The following NAA15 variants were observed in gnomAD, a reference collection of about 807,000 sequenced individuals.
NAA15 encodes the protein N-terminal acetyltransferase.
A neutral mutation model predicts 114.0 loss-of-function variants in NAA15; 34 were observed. That is an observed-to-expected ratio of 0.30 (90% CI 0.23 to 0.40). The LOEUF (loss-of-function observed/expected upper bound fraction) is 0.40. Among genes scored for constraint, NAA15 ranks in the 10% least tolerant of loss-of-function variants. The probability of loss-of-function intolerance (pLI) is 1.00; values close to 1 mark genes in which losing one functional copy is unlikely to be tolerated. For synonymous variants in NAA15, 340 were observed against 338.0 expected (o/e 1.01, Z -0.06); for missense variants, 658 against 1,004.5 (o/e 0.66, Z 4.66).
In NAA15 at chr4:139,384,435, G is replaced by A. The variant is rs567682564; in HGVS notation, c.2156-397G>A. ...TGACGCTGCAGTGAGCCATGATTGC[G>A]CCACTGTACTCCAGCTTGGGTGGCA... On this transcript the variant is annotated intron_variant, in intron 17 of 19. Transcript: ENST00000296543. Among the ~76,000 whole-genome samples, 25 of 152,318 alleles carry A rather than the reference G, an allele frequency of 1.6e-4. No individual in the cohort carries two copies. In the South Asian group the frequency reaches 4.6e-3, roughly 28 times the overall value.
chr4:139,323,214 G>A (rs189382212), intron 1 of NAA15, among the ~76,000 whole-genome samples: 4 of 151,746 alleles, frequency 2.6e-5, no homozygotes, highest in Non-Finnish European at 5.9e-5. Flanking sequence ...CTGCCACCAT[G>A]CCCAGCTAAT....
Position 139,360,515 on chromosome 4 carries a change from G to A in NAA15, c.1426G>A (p.Val476Ile). 6.3e-7 allele frequency: 1 copy of A among 1,590,706 alleles called. No homozygotes were observed. The highest frequency in any genetic ancestry group is 8.5e-7 in the Non-Finnish European group (1 of 1,169,736). ...SKFTREGTSA[V>I]ENLNEMQCMW... is the part of the protein sequence containing the mutation. ...TTCTGTATAGGAAGGAACATCAGCG[G>A]TAGAGAATTTGAATGAAATGCAGTG... Residue 476 changes from valine to isoleucine, a missense_variant, in exon 13 of 20, where the codon GTA (valine) becomes ATA (isoleucine). Physicochemically the swap from Val to Ile is conservative, Grantham distance 29 (BLOSUM62 3). Coordinates refer to ENST00000296543, the MANE Select transcript of NAA15 (RefSeq NM_057175.5).
chr4:139,347,147 G>A (rs1218880917), intron 6 of NAA15, among the ~76,000 whole-genome samples: 1 of 152,104 alleles, frequency 6.6e-6, no homozygotes, highest in Non-Finnish European at 1.5e-5. Context: ...CCTTGGCGCT[G>A]TTGACATTTT....
chr4:139,359,423 G>A (rs1057302841), intron 11 of NAA15, among the ~76,000 whole-genome samples: 1 of 152,062 alleles, frequency 6.6e-6, no homozygotes, highest in East Asian at 1.9e-4. Flanking sequence ...TACAGCGCCC[G>A]GCCTTATTTA....
chr4:139,371,270 A>G (rs537414576), intron 15 of NAA15, among the ~76,000 whole-genome samples: 14 of 152,228 alleles, frequency 9.2e-5, no homozygotes, highest in Admixed American at 3.3e-4. Flanking sequence ...CCACCAGAGC[A>G]GGTGGACAGT....
intron 14 of NAA15, among the ~76,000 whole-genome samples, chr4:139,365,385 G>T (rs1748250286): frequency 6.6e-6 from 1 of 152,094 alleles, no homozygotes. Context: ...CATAGAAGAA[G>T]CCTAGACTTT....
At chr4:139,371,497 G>GCGCACACACACA (rs1389164527) in intron 15 of NAA15, among the ~76,000 whole-genome samples, 5 of 113,664 alleles carry the variant, frequency 4.4e-5, no homozygotes, top group African/African-American at 9.5e-5. Flanking sequence ...AAGAAAAGTA[G>GCGCACACACACA]CACACACACA....
rs1457617248 is a variant in NAA15 at position 139,389,662 on chromosome 4, G to A, written c.*1578G>A. ...CAGGCTTAATATTCTCATTGCATTT[G>A]CAAGATCTGAGCAAATAAGATTAAG... is the stretch of plus-strand genomic sequence containing the variant. On this transcript the variant is annotated 3_prime_UTR_variant, in exon 20 of 20. Transcript: ENST00000296543. 1 of 152,588 alleles carries A rather than the reference G, an allele frequency of 6.6e-6. No homozygotes were observed. Among genetic ancestry groups the A allele is most frequent in the Non-Finnish European group, 1.5e-5 (1 of 68,022 alleles). The allele number at this position is 152,588 out of a possible 1,614,324, so 9.5% of individuals were successfully genotyped here. A position where few individuals can be genotyped will look rare whatever the true frequency, so the allele number is the denominator to read the frequency against.
intron 1 of NAA15, among the ~76,000 whole-genome samples, chr4:139,328,938 C>T (rs1044645631): frequency 1.3e-5 from 2 of 150,012 alleles, no homozygotes; most frequent in East Asian, 2.0e-4. Context: ...GATCTTGACT[C>T]AACTCACTGA....
At chr4:139,369,378 TC>T (rs1748370221) in intron 14 of NAA15, among the ~76,000 whole-genome samples, 1 of 152,230 alleles carries the variant, frequency 6.6e-6, no homozygotes, top group Admixed American at 6.5e-5. Flanking sequence ...TACATGCATA[TC>T]CCATATGGTT....
At chr4:139,368,159 A>G (rs907590094) in intron 14 of NAA15, among the ~76,000 whole-genome samples, 1 of 152,222 alleles carries the variant, frequency 6.6e-6, no homozygotes, top group South Asian at 2.1e-4. Context: ...TGCAAAACAA[A>G]TTACTCAAAA....
Position 139,344,200 on chromosome 4 carries a change from G to A in NAA15, c.552G>A (p.Lys184=), listed in dbSNP as rs1747504124. 1 of 1,609,098 alleles carries A rather than the reference G, an allele frequency of 6.2e-7. No homozygotes were observed. The highest frequency in any genetic ancestry group is 1.7e-5 in the Admixed American group (1 of 59,314). The part of the protein sequence containing the change: ...FRKTQQTSPD[K]VDYEYSELLL... Reference sequence around the variant, plus strand: ...TCCATATACAGACATCCCCTGACAAGGTGGATTATGAATATAGTGAACTAC... The same window carrying A: ...TCCATATACAGACATCCCCTGACAAAGTGGATTATGAATATAGTGAACTAC... The change falls in exon 6 of 20, where the codon AAG becomes AAA. Residue 184 remains lysine, a synonymous_variant. Coordinates refer to ENST00000296543, the MANE Select transcript of NAA15 (RefSeq NM_057175.5).
rs1748851088 is a variant in NAA15, at chr4:139,384,835, T to C, written c.2159T>C (p.Val720Ala). 2 of 1,429,090 alleles carry C rather than the reference T, an allele frequency of 1.4e-6. No homozygotes were observed. Among genetic ancestry groups the C allele is most frequent in the South Asian group, 3.1e-5 (2 of 64,754 alleles). 88.5% of individuals were successfully genotyped at this position (1,429,090 alleles called of 1,614,324 possible). ...ECMIRLFNTAVCESKDLSDTV... is the reference protein window; with the variant it reads ...ECMIRLFNTAACESKDLSDTV... ...ATTTTATTTTTAATTTATTCAGCAG[T>C]GTGTGAAAGTAAAGATTTATCTGAT... is the stretch of plus-strand genomic sequence containing the variant. Residue 720 changes from valine to alanine, a missense_variant, in exon 18 of 20, where the codon GTG (valine) becomes GCG (alanine). Physicochemically the swap from Val to Ala is moderately conservative, Grantham distance 64. Coordinates refer to ENST00000296543, the MANE Select transcript of NAA15 (RefSeq NM_057175.5).
rs142006271 is a variant in NAA15 at position 139,308,838 on chromosome 4, A to G, written c.54+7007A>G. 4.6e-4 allele frequency among the ~76,000 whole-genome samples: 70 copies of G among 151,976 alleles called. 1 individual carries two copies. In the East Asian group the frequency reaches 0.013, roughly 29 times the overall value. The stretch of plus-strand genomic sequence containing the variant: ...GCCATGTTGGCGAGGCTGGTCTCAG[A>G]CTGCTTACCTCGGGTGATCCACCCA... On this transcript the variant is annotated intron_variant, in intron 1 of 19. Coordinates refer to ENST00000296543, the MANE Select transcript of NAA15 (RefSeq NM_057175.5).
Position 139,359,769 on chromosome 4 carries a change from A to G in NAA15, c.1284A>G (p.Ala428=), listed in dbSNP as rs1490894523. The change falls in exon 12 of 20, where the codon GCA becomes GCG. Residue 428 remains alanine (A), a synonymous_variant. Transcript: ENST00000296543. ...ATGCTGGAAATATTAAAGAAGCTGC[A>G]AGGTGGATGGATGAGGCCCAGGCCT... is the stretch of plus-strand genomic sequence containing the variant. ...YKHAGNIKEA[A]RWMDEAQALD... is the part of the protein sequence containing the mutation. 1.1e-5 allele frequency: 17 copies of G among 1,603,110 alleles called. No homozygotes were observed. The highest frequency in any genetic ancestry group is 1.8e-5 in the Admixed American group (1 of 55,880).
intron 3 of NAA15, among the ~76,000 whole-genome samples, chr4:139,339,532 C>T (rs1455884093): frequency 3.3e-5 from 5 of 151,784 alleles, no homozygotes; most frequent in East Asian, 1.9e-4. Context: ...GGGCGGATCA[C>T]GAGATCAGGA....
intron 1 of NAA15, among the ~76,000 whole-genome samples, chr4:139,326,198 G>C (rs1746794875): frequency 6.6e-6 from 1 of 152,076 alleles, no homozygotes; most frequent in Non-Finnish European, 1.5e-5. Flanking sequence ...CAATGGTTAG[G>C]TGTTATGGTT....
At chr4:139,370,095 A>G in intron 14 of NAA15, 116 bp from the exon 15 acceptor site, 1 of 867,834 alleles carries the variant, frequency 1.2e-6, no homozygotes, top group South Asian at 2.5e-5. Flanking sequence ...ATGAGACGCC[A>G]TGCCCAGCCT....
Position 139,369,835 on chromosome 4 carries a change from G to A in NAA15, c.1754-376G>A, listed in dbSNP as rs940120479. ...AATTTGTTTTTTGAGACAGAGTTTC[G>A]CTCTTGTTTCCTAGGCTGGAGTGTA... is the stretch of plus-strand genomic sequence containing the variant. On this transcript the variant is annotated intron_variant, in intron 14 of 19. Transcript: ENST00000296543. Among the ~76,000 whole-genome samples, 5 of 151,384 alleles carry A rather than the reference G, an allele frequency of 3.3e-5. No homozygotes were observed. The East Asian group carries it at 7.8e-4, about 23-fold the overall frequency.
Sources: allele counts gnomAD v4.1 joint callset (sites outside exome capture counted in the v4.1 genomes callset), GRCh38; gene constraint gnomAD v4.1.1; transcripts MANE v1.5; gene names NCBI Gene and HGNC (gene_info 2026-07-23, HGNC 2026-07-21).